IL31RA: variants seen among roughly 807,000 people sequenced by gnomAD.
The protein encoded by IL31RA is interleukin-31 receptor subunit alpha.
Under a neutral mutation model 83.7 loss-of-function variants are expected in IL31RA, and 66 were observed. The observed-to-expected ratio is 0.79, with a 90% CI of 0.65 to 0.97. The LOEUF is 0.97. Ranked by LOEUF, IL31RA falls within the 50% of genes least tolerant of loss-of-function variation. The pLI is 0.00. For synonymous variants in IL31RA, 325 were observed against 329.0 expected (o/e 0.99, Z 0.13); for missense variants, 798 against 919.4 (o/e 0.87, Z 1.71).
chr5:55,843,966 CATGGCCATTGCTAATTCAT>C, the IL31RA span, among the ~76,000 whole-genome samples: 1 of 152,120 alleles, frequency 6.6e-6, no homozygotes, highest in Non-Finnish European at 1.5e-5. Flanking sequence ...TTGGTGCTAG[CATGGCCATTGCTAATTCAT>C]GAATTTTTTT....
chr5:55,863,329 G>A (rs1191725131), intron 2 of IL31RA, among the ~76,000 whole-genome samples: 1 of 152,224 alleles, frequency 6.6e-6, no homozygotes, highest in East Asian at 1.9e-4. Context: ...ATTAGTCAGG[G>A]AGAGTTGTTT....
At chr5:55,868,165 C>T (rs530631699) in intron 2 of IL31RA, among the ~76,000 whole-genome samples, 2 of 152,062 alleles carry the variant, frequency 1.3e-5, no homozygotes, top group South Asian at 4.2e-4. Flanking sequence ...GTAAATTTTC[C>T]CCATTTAAGT....
At position 55,859,577 on chromosome 5, in the gene IL31RA, A is replaced by T; in HGVS notation, c.132A>T (p.Ser44=). ...MWTWALWMLP[S]LCKFSLAALP... ...CCTGGGCACTGTGGATGCTCCCCTC[A>T]CTCTGCAAATTCAGCCTGGCAGGTA... The change falls in exon 2 of 15, where the codon TCA becomes TCT. Residue 44 remains serine (S), a synonymous_variant. Transcript: ENST00000652347. 1 of 1,612,050 alleles carries T rather than the reference A, an allele frequency of 6.2e-7. No homozygotes were observed. The highest frequency in any genetic ancestry group is 8.5e-7 in the Non-Finnish European group (1 of 1,178,376).
Position 55,920,253 on chromosome 5 carries a change from C to T in IL31RA, c.*3133C>T, listed in dbSNP as rs530654616. 4.5e-4 allele frequency among the ~76,000 whole-genome samples: 69 copies of T among 152,362 alleles called. No individual in the cohort carries two copies. The highest frequency in any genetic ancestry group is 1.5e-3 in the African/African-American group (64 of 41,590). ...GCTCTGTGTGCGAGGAAAGCCTGTGCTGGCCTGTCCACCCCAGTCTGATTC... is the reference window on the plus strand; with the variant it reads ...GCTCTGTGTGCGAGGAAAGCCTGTGTTGGCCTGTCCACCCCAGTCTGATTC... On this transcript the variant is annotated 3_prime_UTR_variant, in exon 15 of 15. Transcript: ENST00000652347.
intron 5 of IL31RA, among the ~76,000 whole-genome samples, chr5:55,887,448 T>C (rs891588749): frequency 1.3e-5 from 2 of 152,146 alleles, no homozygotes; most frequent in Admixed American, 6.6e-5. Flanking sequence ...TTTTAAGAAT[T>C]TGATTTATGG....
Position 55,916,639 on chromosome 5 carries a change from T to C in IL31RA, c.1819-5T>C, listed in dbSNP as rs770374610. On this transcript the variant is annotated splice_region_variant and splice_polypyrimidine_tract_variant and intron_variant, in intron 14 of 14. Transcript: ENST00000652347. The stretch of plus-strand genomic sequence containing the variant: ...CCACTTGGGATGTCCCTTTTTCTTT[T>C]CCAGGATAAGCTAAACCTGAAGGAG... 6.2e-7 allele frequency: 1 copy of C among 1,613,642 alleles called. No homozygotes were observed. The highest frequency in any genetic ancestry group is 1.3e-5 in the African/African-American group (1 of 75,018).
Position 55,860,523 on chromosome 5 carries a change from T to G in IL31RA, c.154+924T>G, listed in dbSNP as rs537258759. On this transcript the variant is annotated intron_variant, in intron 2 of 14. Transcript: ENST00000652347. ...GGGAACTACTATAATAGGAAGTGCT[T>G]ATCTCCATAGTTTTTGTGTTGTTGT... is the stretch of plus-strand genomic sequence containing the variant. Among the ~76,000 whole-genome samples, 7 of 152,334 alleles carry G rather than the reference T, an allele frequency of 4.6e-5. No individual in the cohort carries two copies. In the South Asian group the frequency reaches 8.3e-4, roughly 18 times the overall value.
chr5:55,844,281 C>T, the IL31RA span, among the ~76,000 whole-genome samples: 136 of 152,200 alleles, frequency 8.9e-4, no homozygotes, highest in East Asian at 6.7e-3. Flanking sequence ...TAAAAACTCT[C>T]GGACAAAAAT....
At position 55,903,479 on chromosome 5, in the gene IL31RA, TAG is replaced by T. The variant is rs573372780; in HGVS notation, c.1070-2624_1070-2623del. On this transcript the variant is annotated intron_variant, in intron 8 of 14. Transcript: ENST00000652347. The surrounding 1 kb of genome is among the most constrained non-coding windows in gnomAD (Gnocchi z 4.7). Reference sequence around the variant, plus strand: ...GACCCGGCGATTCGTTTATATTGAGTAGAGTGATGACTTGGAAATTCCCCTTT... The same window carrying T: ...GACCCGGCGATTCGTTTATATTGAGTAGTGATGACTTGGAAATTCCCCTTT... Among the ~76,000 whole-genome samples, 561 of 152,260 alleles carry T rather than the reference TAG, an allele frequency of 3.7e-3. 3 individuals are homozygous for T. Among genetic ancestry groups the T allele is most frequent in the Non-Finnish European group, 6.4e-3 (434 of 68,016 alleles).
At chr5:55,883,011 C>A (rs1031286012) in intron 4 of IL31RA, 33 bp from the exon 5 acceptor site, 1 of 1,605,378 alleles carries the variant, frequency 6.2e-7, no homozygotes, top group Admixed American at 1.7e-5. Flanking sequence ...TATCTTTTTG[C>A]AGATATGAGA....
chr5:55,915,006 T>C (rs1391189978), intron 14 of IL31RA, 78 bp downstream of exon 14: 1 of 1,091,780 alleles, frequency 9.2e-7, no homozygotes, highest in African/African-American at 1.6e-5. Flanking sequence ...GAAAGAGTCC[T>C]AGGCTGAGCT....
In IL31RA at chr5:55,909,807, C is replaced by T. The variant is rs187595595; in HGVS notation, c.1502-725C>T. On this transcript the variant is annotated intron_variant, in intron 11 of 14. Transcript: ENST00000652347. ...GCAACCTCCACCTCCCAGGTTCAAG[C>T]GATTCTCCTGCCTCAGCCTCCCAAG... is the stretch of plus-strand genomic sequence containing the variant. Among the ~76,000 whole-genome samples, 1,245 of 151,802 alleles carry T rather than the reference C, an allele frequency of 8.2e-3. 7 individuals are homozygous for T. Among genetic ancestry groups the T allele is most frequent in the Middle Eastern group, 0.034 (10 of 292 alleles).
At chr5:55,882,749 T>C (rs565039038) in intron 4 of IL31RA, among the ~76,000 whole-genome samples, 19 of 152,256 alleles carry the variant, frequency 1.2e-4, no homozygotes, top group African/African-American at 4.6e-4. Flanking sequence ...GCCTATTTTC[T>C]GGTTGTGTGG....
At chr5:55,867,122 T>TG (rs1561542873) in intron 2 of IL31RA, among the ~76,000 whole-genome samples, 1 of 130,836 alleles carries the variant, frequency 7.6e-6, no homozygotes, top group Admixed American at 7.5e-5. Context: ...CATGTGTGTG[T>TG]TTGTGTGTGT....
intron 5 of IL31RA, among the ~76,000 whole-genome samples, chr5:55,884,318 T>A (rs1270830649): frequency 6.6e-6 from 1 of 152,260 alleles, no homozygotes; most frequent in Non-Finnish European, 1.5e-5. Flanking sequence ...ACCTTTATGC[T>A]TAATGCCTTT....
chr5:55,859,221 A>G (rs181346622), intron 1 of IL31RA, among the ~76,000 whole-genome samples: 1 of 152,328 alleles, frequency 6.6e-6, no homozygotes, highest in Admixed American at 6.5e-5. Flanking sequence ...ATAGCTGCAC[A>G]TACTCATTTT....
Position 55,917,238 on chromosome 5 carries a change from T to A in IL31RA, c.*118T>A. ...CTGCCACATCCTGCCTAGGTTAAAG[T>A]TTCCCCTGCCCCTTGAGCTGCCAGT... is the stretch of plus-strand genomic sequence containing the variant. On this transcript the variant is annotated 3_prime_UTR_variant, in exon 15 of 15. Coordinates refer to ENST00000652347, the MANE Select transcript of IL31RA (RefSeq NM_139017.7). 1.3e-6 allele frequency: 2 copies of A among 1,591,444 alleles called. No individual in the cohort carries two copies. Among genetic ancestry groups the A allele is most frequent in the Non-Finnish European group, 1.7e-6 (2 of 1,175,372 alleles).
At chr5:55,870,095 T>C (rs1004474024) in intron 3 of IL31RA, among the ~76,000 whole-genome samples, 50 of 152,254 alleles carry the variant, frequency 3.3e-4, no homozygotes, top group African/African-American at 1.2e-3. Flanking sequence ...TATAGTAATA[T>C]TAAGAAGGAG....
At position 55,890,007 on chromosome 5, in the gene IL31RA, A is replaced by C. The variant is rs1239251715; in HGVS notation, c.644A>C (p.Asn215Thr). 6.2e-6 allele frequency: 10 copies of C among 1,614,188 alleles called. No homozygotes were observed. Among genetic ancestry groups the C allele is most frequent in the Non-Finnish European group, 7.6e-6 (9 of 1,180,006 alleles). Residue 215 changes from asparagine (N) to threonine (T), a missense_variant, in exon 6 of 15, where the codon AAC (asparagine) becomes ACC (threonine). Transcript: ENST00000652347. ...VNFAKNRKDK[N>T]QTYNLTGLQP... ...TTCGCTAAGAACCGTAAGGATAAAA[A>C]CCAAACGTACAACCTCACGGGGCTG...
Sources: allele counts gnomAD v4.1 joint callset (sites outside exome capture counted in the v4.1 genomes callset), GRCh38; gene constraint gnomAD v4.1.1; non-coding constraint Gnocchi (gnomAD v3.1); transcripts MANE v1.5; gene names NCBI Gene and HGNC (gene_info 2026-07-23, HGNC 2026-07-21).